Variants in ELMO1 observed in about 807,000 individuals in gnomAD.
ELMO1 encodes engulfment and cell motility protein 1.
In ELMO1, 26 loss-of-function variants were observed where a neutral mutation model predicts 98.9. That is an observed-to-expected ratio of 0.26 (90% confidence interval 0.19 to 0.36). The LOEUF (loss-of-function observed/expected upper bound fraction) is 0.36, where lower values mean the gene tolerates loss of function less well. ELMO1 is among the 10% of genes least tolerant of loss of function. The pLI is 1.00. For missense variants in ELMO1, 627 were observed against 935.2 expected (o/e 0.67, Z 4.30); for synonymous variants, 346 against 346.0 (o/e 1.00, Z 0.00).
At chr7:36,921,952 T>C (rs529569716) in intron 16 of ELMO1, among the ~76,000 whole-genome samples, 32 of 152,280 alleles carry the variant, frequency 2.1e-4, no homozygotes, top group African/African-American at 6.0e-4. Context: ...TTTATTTTCT[T>C]GTGGAGTTTT....
At chr7:36,976,132 G>T (rs1562871552) in intron 16 of ELMO1, among the ~76,000 whole-genome samples, 2 of 152,154 alleles carry the variant, frequency 1.3e-5, no homozygotes, top group Non-Finnish European at 2.9e-5. Context: ...CAGAAAAATG[G>T]GCACAGATGT....
chr7:37,008,162 G>A (rs927415601), intron 16 of ELMO1, among the ~76,000 whole-genome samples: 3 of 152,174 alleles, frequency 2.0e-5, no homozygotes, highest in African/African-American at 7.2e-5. Flanking sequence ...TTTTGATAGC[G>A]TCTAAAGTAA....
At chr7:37,096,199 C>T (rs1284733622) in intron 15 of ELMO1, among the ~76,000 whole-genome samples, 1 of 151,846 alleles carries the variant, frequency 6.6e-6, no homozygotes, top group East Asian at 1.9e-4. Context: ...ACACTGAGAG[C>T]AAGAGAATTT....
intron 8 of ELMO1, 62 bp downstream of exon 8, chr7:37,233,033 A>G: frequency 7.3e-7 from 1 of 1,366,258 alleles, no homozygotes. Context: ...TCCTCAAAGC[A>G]GAGAAAAATA....
chr7:37,040,303 T>C (rs1473155128), intron 15 of ELMO1, among the ~76,000 whole-genome samples: 1 of 152,164 alleles, frequency 6.6e-6, no homozygotes, highest in Non-Finnish European at 1.5e-5. Context: ...TTTTCCTGAT[T>C]ACCCCCAGGG....
intron 15 of ELMO1, among the ~76,000 whole-genome samples, chr7:37,065,452 G>A (rs1057133286): frequency 1.1e-4 from 17 of 152,150 alleles, no homozygotes; most frequent in African/African-American, 3.9e-4. Context: ...CTTCTAACTT[G>A]ACTCTTAGCA....
intron 4 of ELMO1, among the ~76,000 whole-genome samples, chr7:37,298,278 GTT>G (rs200612374): frequency 6.8e-5 from 4 of 58,634 alleles, no homozygotes; most frequent in Non-Finnish European, 1.1e-4. Flanking sequence ...AGACTAGGAA[GTT>G]TTTTTTGTTT....
At chr7:36,985,088 T>C (rs1791398548) in intron 16 of ELMO1, 1 of 985,300 alleles carries the variant, frequency 1.0e-6, no homozygotes, top group Non-Finnish European at 1.2e-6. Flanking sequence ...TGCTTTCTTG[T>C]TCTTCCTGTT....
chr7:37,379,327 C>T (rs1391668826), intron 1 of ELMO1, among the ~76,000 whole-genome samples: 1 of 152,152 alleles, frequency 6.6e-6, no homozygotes, highest in African/African-American at 2.4e-5. Context: ...AGGTGTGAGC[C>T]ACCGCGCCCG....
chr7:37,335,828 T>A (rs1800371853), intron 2 of ELMO1, among the ~76,000 whole-genome samples: 1 of 152,168 alleles, frequency 6.6e-6, no homozygotes, highest in African/African-American at 2.4e-5. Context: ...AGATGATGGA[T>A]CCCCTCGCCT....
intron 16 of ELMO1, among the ~76,000 whole-genome samples, chr7:36,978,442 C>T (rs541926745): frequency 2.2e-4 from 34 of 151,794 alleles, no homozygotes; most frequent in African/African-American, 1.7e-4. Context: ...GCATGGCCGG[C>T]GGGAGTGCAG....
At chr7:37,397,177 A>G (rs1803332511) in intron 1 of ELMO1, among the ~76,000 whole-genome samples, 1 of 152,242 alleles carries the variant, frequency 6.6e-6, no homozygotes, top group Non-Finnish European at 1.5e-5. Flanking sequence ...TTATATATCA[A>G]AGCAAGGAAC....
intron 16 of ELMO1, among the ~76,000 whole-genome samples, chr7:36,914,340 G>A (rs1045691471): frequency 6.6e-6 from 1 of 152,072 alleles, no homozygotes; most frequent in African/African-American, 2.4e-5. Context: ...CAAACTAAAC[G>A]TCCTTTGCTT....
chr7:36,863,991 C>T (rs1465755256), intron 20 of ELMO1, among the ~76,000 whole-genome samples: 1 of 152,194 alleles, frequency 6.6e-6, no homozygotes, highest in Admixed American at 6.5e-5. Flanking sequence ...AGGGAGTGAG[C>T]TTTGCTTCTG....
chr7:37,439,742 C>T (rs906410546), intron 1 of ELMO1, among the ~76,000 whole-genome samples: 1 of 152,180 alleles, frequency 6.6e-6, no homozygotes, highest in African/African-American at 2.4e-5. Context: ...TTCTCAAAAA[C>T]CTTCAGTTGG....
chr7:37,362,450 C>T (rs1302884415), intron 1 of ELMO1, among the ~76,000 whole-genome samples: 1 of 152,112 alleles, frequency 6.6e-6, no homozygotes, highest in Non-Finnish European at 1.5e-5. Flanking sequence ...TTGCTTGGAC[C>T]CACGACAGAG....
At chr7:37,121,540 A>G (rs1474205899) in intron 14 of ELMO1, among the ~76,000 whole-genome samples, 3 of 152,248 alleles carry the variant, frequency 2.0e-5, no homozygotes, top group African/African-American at 7.2e-5. Context: ...GGAAGATCAA[A>G]TGAATGAAAT....
At chr7:37,322,248 C>CAGGTG (rs1799558465) in intron 2 of ELMO1, among the ~76,000 whole-genome samples, 1 of 152,056 alleles carries the variant, frequency 6.6e-6, no homozygotes, top group South Asian at 2.1e-4. Flanking sequence ...GAGGCCAAGG[C>CAGGTG]AGGTGGATAG....
chr7:37,025,793 A>G (rs905692025), intron 15 of ELMO1, among the ~76,000 whole-genome samples: 2 of 151,570 alleles, frequency 1.3e-5, no homozygotes, highest in Non-Finnish European at 2.9e-5. Context: ...CCTAATGATA[A>G]ATCTCATATA....
Sources: gnomAD v4.1 joint callset for allele counts (sites outside exome capture counted in the v4.1 genomes callset) on GRCh38, gnomAD v4.1.1 for gene constraint, MANE v1.5 for transcripts, NCBI Gene and HGNC (gene_info 2026-07-23, HGNC 2026-07-21) for gene names.